The following MYO10 variants were observed in gnomAD, a reference collection of about 807,000 sequenced individuals.
MYO10 encodes myosin X.
MYO10 carries 133 observed loss-of-function variants against 257.3 expected under a neutral mutation model. That is an observed-to-expected ratio of 0.52 (90% CI 0.45 to 0.60). The LOEUF is 0.60. MYO10 is among the 20% of genes least tolerant of loss of function. The pLI is 0.00. For missense variants in MYO10, 2,399 were observed against 2,635.7 expected, an observed-to-expected ratio of 0.91 and a Z score of 1.97; for synonymous variants, 1,104 against 1,028.6, an observed-to-expected ratio of 1.07 and a Z score of -1.40.
At chr5:16,864,030 G>A (rs768597785) in intron 2 of MYO10, among the ~76,000 whole-genome samples, 3 of 152,128 alleles carry the variant, frequency 2.0e-5, no homozygotes, top group Admixed American at 6.6e-5. Context: ...CCTGGGAGGC[G>A]GAGGTTGCAG....
At chr5:16,852,581 G>A (rs771368272) in intron 2 of MYO10, among the ~76,000 whole-genome samples, 5 of 151,478 alleles carry the variant, frequency 3.3e-5, no homozygotes, top group South Asian at 2.1e-4. Flanking sequence ...TCAAGGGTTC[G>A]TCTGTATTAT....
intron 19 of MYO10, among the ~76,000 whole-genome samples, chr5:16,736,235 G>A (rs987061640): frequency 2.0e-5 from 3 of 152,158 alleles, no homozygotes; most frequent in Admixed American, 6.5e-5. Flanking sequence ...GAGAACAAGC[G>A]GCGATTGTAC....
chr5:16,742,701 C>T (rs1188069569), intron 19 of MYO10, among the ~76,000 whole-genome samples: 1 of 151,776 alleles, frequency 6.6e-6, no homozygotes, highest in Non-Finnish European at 1.5e-5. Flanking sequence ...ATTCCAGCTA[C>T]TCGGGAGGCT....
intron 1 of MYO10, among the ~76,000 whole-genome samples, chr5:16,895,451 T>C (rs932390904): frequency 6.6e-6 from 1 of 152,140 alleles, no homozygotes. Flanking sequence ...TCCTAGTTCC[T>C]ACTGGCTCCT....
intron 2 of MYO10, among the ~76,000 whole-genome samples, chr5:16,845,260 T>G (rs943466092): frequency 6.6e-6 from 1 of 152,158 alleles, no homozygotes; most frequent in Non-Finnish European, 1.5e-5. Flanking sequence ...TAATTCTCAA[T>G]AGCCAAATGA....
At position 16,664,537 on chromosome 5, in the gene MYO10, TC is replaced by T. The variant is rs1410339912; in HGVS notation, c.*2154del. 1 of 152,174 alleles carries T rather than the reference TC, an allele frequency of 6.6e-6. No individual in the cohort carries two copies. The highest frequency in any genetic ancestry group is 1.5e-5 in the Non-Finnish European group (1 of 68,028). 9.4% of individuals were successfully genotyped at this position (152,174 alleles called of 1,614,324 possible). A position where few individuals can be genotyped will look rare whatever the true frequency, so the allele number is the denominator to read the frequency against. On this transcript the variant is annotated 3_prime_UTR_variant, in exon 41 of 41. Transcript: ENST00000513610. ...ATCCCTGCAGAATGGGAAGAAGCCA[TC>T]CGTGAGCATGAGCAGAGGGTGGGAG... is the stretch of plus-strand genomic sequence containing the variant.
chr5:16,856,464 C>T (rs993558306), intron 2 of MYO10, among the ~76,000 whole-genome samples: 4 of 151,780 alleles, frequency 2.6e-5, no homozygotes, highest in African/African-American at 7.3e-5. Context: ...GCAGGAGAAT[C>T]GCTTGAACCT....
rs115589200 is a variant in MYO10, at chr5:16,786,779, C to T, written c.468-3310G>A. 6.0e-3 allele frequency among the ~76,000 whole-genome samples: 912 copies of T among 152,114 alleles called. 11 individuals carry two copies. The highest frequency in any genetic ancestry group is 0.021 in the African/African-American group (855 of 41,512). On this transcript the variant is annotated intron_variant, in intron 4 of 40. Transcript: ENST00000513610. Reference sequence around the variant, plus strand: ...ACCCTCAGATTTGCACAGAGCTCTACGGTGGTGGCTCTCAACCCTGGCTGC... The same window carrying T: ...ACCCTCAGATTTGCACAGAGCTCTATGGTGGTGGCTCTCAACCCTGGCTGC...
intron 36 of MYO10, 134 bp downstream of exon 36, chr5:16,673,548 C>T (rs944827814): frequency 1.2e-6 from 1 of 820,034 alleles, no homozygotes. Flanking sequence ...CATGCATTTC[C>T]TTAGTATTGA....
rs1029949927 is a variant in MYO10 at position 16,696,142 on chromosome 5, GTTTA to G, written c.3557-1532_3557-1529del. On this transcript the variant is annotated intron_variant, in intron 26 of 40. Transcript: ENST00000513610. ...GTCATCACGACAGCTCTCACCATTA[GTTTA>G]TTTAATCTAATTGATTAATTAGATT... 4.6e-5 allele frequency among the ~76,000 whole-genome samples: 7 copies of G among 152,266 alleles called. No individual in the cohort carries two copies. In the East Asian group the frequency reaches 1.3e-3, roughly 29 times the overall value.
At chr5:16,690,995 C>T (rs942273353) in intron 27 of MYO10, among the ~76,000 whole-genome samples, 3 of 152,066 alleles carry the variant, frequency 2.0e-5, no homozygotes, top group South Asian at 2.1e-4. Flanking sequence ...TTCGGCCGGG[C>T]GTGGTGGCTC....
intron 1 of MYO10, among the ~76,000 whole-genome samples, chr5:16,884,034 C>T (rs1360240093): frequency 2.6e-5 from 4 of 152,316 alleles, no homozygotes; most frequent in Non-Finnish European, 5.9e-5. Context: ...GTTCAGGATT[C>T]TCTGGCCACC....
intron 2 of MYO10, among the ~76,000 whole-genome samples, chr5:16,825,768 G>A (rs1330902919): frequency 6.6e-6 from 1 of 152,208 alleles, no homozygotes; most frequent in Non-Finnish European, 1.5e-5. Context: ...AGAATTACTT[G>A]AGCCCAGGAG....
intron 2 of MYO10, among the ~76,000 whole-genome samples, chr5:16,821,422 G>GACTT (rs1429419387): frequency 7.4e-6 from 1 of 134,626 alleles, no homozygotes; most frequent in Non-Finnish European, 1.5e-5. Flanking sequence ...TCATACATTT[G>GACTT]ACTTCCTTTC....
chr5:16,905,558 G>A (rs1198048061), intron 1 of MYO10, among the ~76,000 whole-genome samples: 4 of 152,084 alleles, frequency 2.6e-5, no homozygotes, highest in Non-Finnish European at 4.4e-5. Flanking sequence ...AGCCAGCCAG[G>A]GCAATGAGTC....
intron 4 of MYO10, among the ~76,000 whole-genome samples, chr5:16,784,591 CTG>C (rs1741518755): frequency 6.6e-6 from 1 of 152,128 alleles, no homozygotes; most frequent in South Asian, 2.1e-4. Context: ...AGCAAAGAGG[CTG>C]GAAACTTACA....
chr5:16,813,543 C>T (rs1479902561), intron 3 of MYO10, among the ~76,000 whole-genome samples: 2 of 149,914 alleles, frequency 1.3e-5, no homozygotes, highest in Non-Finnish European at 3.0e-5. Flanking sequence ...AAAGTGAGAC[C>T]CTGGCTCTAA....
Position 16,663,191 on chromosome 5 carries a change from T to A in MYO10, c.*3501A>T, listed in dbSNP as rs1736036000. 6.6e-6 allele frequency: 1 copy of A among 152,164 alleles called. No individual in the cohort carries two copies. Among genetic ancestry groups the A allele is most frequent in the Non-Finnish European group, 1.5e-5 (1 of 68,032 alleles). 9.4% of individuals were successfully genotyped at this position (152,164 alleles called of 1,614,324 possible). On this transcript the variant is annotated 3_prime_UTR_variant, in exon 41 of 41. Coordinates refer to ENST00000513610, the MANE Select transcript of MYO10 (RefSeq NM_012334.3). ...AAATGAGGATGGGGATATATATGTA[T>A]GTATGAGTAAATGATTGGACAGCTT...
intron 36 of MYO10, 65 bp from the exon 37 acceptor site, chr5:16,672,890 G>A (rs1023944107): frequency 1.7e-4 from 267 of 1,556,296 alleles, no homozygotes; most frequent in Non-Finnish European, 2.2e-4. Flanking sequence ...TTCCCAGAAC[G>A]TGCCATCACC....
Sources: gnomAD v4.1 joint callset for allele counts (sites outside exome capture counted in the v4.1 genomes callset) on GRCh38, gnomAD v4.1.1 for gene constraint, MANE v1.5 for transcripts, NCBI Gene and HGNC (gene_info 2026-07-23, HGNC 2026-07-21) for gene names.